COL5A2: variants seen among roughly 807,000 people sequenced by gnomAD.
COL5A2 encodes collagen alpha-2(V) chain.
COL5A2 carries 23 observed loss-of-function variants against 208.2 expected under a neutral mutation model. The ratio of observed to expected loss-of-function variants is 0.11; its 90% confidence interval spans 0.08 to 0.16. The LOEUF (loss-of-function observed/expected upper bound fraction) is 0.16. Among genes scored for constraint, COL5A2 ranks in the 10% least tolerant of loss-of-function variants. The pLI, the probability that COL5A2 is intolerant of heterozygous loss-of-function variation, is 1.00. For missense variants in COL5A2, 1,590 were observed against 1,956.4 expected, an observed-to-expected ratio of 0.81 and a Z score of 3.53; for synonymous variants, 625 against 628.5, an observed-to-expected ratio of 0.99 and a Z score of 0.08.
the COL5A2 span, among the ~76,000 whole-genome samples, chr2:189,276,954 T>G: frequency 6.6e-6 from 1 of 152,160 alleles, no homozygotes; most frequent in South Asian, 2.1e-4. Flanking sequence ...AGAAAAGGTA[T>G]ATTTTATGAA....
chr2:189,349,975 G>A, the COL5A2 span, among the ~76,000 whole-genome samples: 1 of 152,150 alleles, frequency 6.6e-6, no homozygotes, highest in Admixed American at 6.6e-5. Flanking sequence ...TTAGTGGTTA[G>A]ATTGGATCTC....
At chr2:189,352,860 G>T in the COL5A2 span, among the ~76,000 whole-genome samples, 9 of 152,124 alleles carry the variant, frequency 5.9e-5, no homozygotes, top group African/African-American at 2.2e-4. Flanking sequence ...TGAAGTCTTT[G>T]CCCACGGCTA....
At chr2:189,262,423 GT>G in the COL5A2 span, among the ~76,000 whole-genome samples, 98 of 151,752 alleles carry the variant, frequency 6.5e-4, 1 homozygote, top group South Asian at 0.02. Flanking sequence ...TCAGGACAAA[GT>G]TTTTTTAGTC....
the COL5A2 span, among the ~76,000 whole-genome samples, chr2:189,277,788 T>C: frequency 6.6e-6 from 1 of 152,176 alleles, no homozygotes; most frequent in Non-Finnish European, 1.5e-5. Context: ...AATGCCTCTA[T>C]GTATTACTTG....
At chr2:189,243,121 A>C in the COL5A2 span, among the ~76,000 whole-genome samples, 1 of 152,164 alleles carries the variant, frequency 6.6e-6, no homozygotes. Flanking sequence ...GTTGAAGCCA[A>C]GTGAGTGATG....
the COL5A2 span, among the ~76,000 whole-genome samples, chr2:189,396,629 G>C: frequency 2.1e-5 from 3 of 140,122 alleles, no homozygotes; most frequent in Admixed American, 1.5e-4. Context: ...AGCAGAGCTC[G>C]CGCCACTGCA....
the COL5A2 span, among the ~76,000 whole-genome samples, chr2:189,251,775 CT>C: frequency 6.6e-6 from 1 of 151,780 alleles, no homozygotes; most frequent in African/African-American, 2.4e-5. Context: ...CCTAATTAAA[CT>C]AAAGAGCTTC....
the COL5A2 span, among the ~76,000 whole-genome samples, chr2:189,370,348 T>A: frequency 6.6e-6 from 1 of 152,198 alleles, no homozygotes; most frequent in Non-Finnish European, 1.5e-5. Flanking sequence ...CATAGAGTCA[T>A]TATAAGAATA....
chr2:189,139,902 G>A (rs62182420), intron 1 of COL5A2, among the ~76,000 whole-genome samples: 27,157 of 151,798 alleles, frequency 0.18, 2,849 homozygotes, highest in Non-Finnish European at 0.23. Context: ...GTGGCACCCC[G>A]TCTCTACTAA....
the COL5A2 span, among the ~76,000 whole-genome samples, chr2:189,429,886 T>C: frequency 6.6e-6 from 1 of 152,232 alleles, no homozygotes; most frequent in African/African-American, 2.4e-5. Flanking sequence ...ATACTGACTG[T>C]AACATCGTTG....
the COL5A2 span, among the ~76,000 whole-genome samples, chr2:189,353,798 T>C: frequency 6.6e-6 from 1 of 152,224 alleles, no homozygotes; most frequent in Non-Finnish European, 1.5e-5. Context: ...ATTGCCTGAT[T>C]GCCCTAGCCA....
At chr2:189,339,815 C>T in the COL5A2 span, among the ~76,000 whole-genome samples, 1 of 152,094 alleles carries the variant, frequency 6.6e-6, no homozygotes, top group Admixed American at 6.6e-5. Context: ...CTTTCAGTTC[C>T]TTGGAACTAT....
chr2:189,436,116 G>C, the COL5A2 span, among the ~76,000 whole-genome samples: 1 of 152,098 alleles, frequency 6.6e-6, no homozygotes, highest in African/African-American at 2.4e-5. Flanking sequence ...TCATAGGTGG[G>C]AATTGAACAA....
intron 45 of COL5A2, among the ~76,000 whole-genome samples, chr2:189,047,120 C>CAAAA (rs57456004): frequency 9.1e-6 from 1 of 109,372 alleles, no homozygotes; most frequent in African/African-American, 3.3e-5. Context: ...GACTCTGTCT[C>CAAAA]AAAAAAAAAA....
At chr2:189,279,186 C>T in the COL5A2 span, among the ~76,000 whole-genome samples, 8 of 151,198 alleles carry the variant, frequency 5.3e-5, no homozygotes, top group East Asian at 1.9e-4. Context: ...AAGAATAAGA[C>T]GAACTAGCAT....
chr2:189,427,211 C>G, the COL5A2 span, among the ~76,000 whole-genome samples: 12 of 152,378 alleles, frequency 7.9e-5, no homozygotes, highest in African/African-American at 2.9e-4. Context: ...CACTCCAGCT[C>G]CAGCTGTAGC....
chr2:189,064,960 G>T (rs1450856925), intron 24 of COL5A2, 44 bp downstream of exon 24: 1 of 1,592,902 alleles, frequency 6.3e-7, no homozygotes. Context: ...GCATCTTCTG[G>T]AGCACCCCCC....
chr2:189,102,318 G>C (rs1687061915), intron 3 of COL5A2, among the ~76,000 whole-genome samples: 1 of 151,994 alleles, frequency 6.6e-6, no homozygotes, highest in African/African-American at 2.4e-5. Context: ...CTAAATTGTA[G>C]GCTTTTTGAT....
At chr2:189,177,051 T>C (rs1022916667) in intron 1 of COL5A2, among the ~76,000 whole-genome samples, 33 of 152,226 alleles carry the variant, frequency 2.2e-4, no homozygotes, top group African/African-American at 6.7e-4. Context: ...ACATTTCTGG[T>C]AAATAACCAC....
Sources: allele counts gnomAD v4.1 joint callset (sites outside exome capture counted in the v4.1 genomes callset), GRCh38; gene constraint gnomAD v4.1.1; transcripts MANE v1.5; gene names NCBI Gene and HGNC (gene_info 2026-07-23, HGNC 2026-07-21).